The following CHST10 variants were observed in gnomAD, a reference collection of about 807,000 sequenced individuals.
CHST10 encodes HNK-1 sulfotransferase.
CHST10 carries 24 observed loss-of-function variants against 34.7 expected under a neutral mutation model. The ratio of observed to expected loss-of-function variants is 0.69; its 90% confidence interval spans 0.50 to 0.97. The LOEUF is 0.97. Ranked by LOEUF, CHST10 falls within the 50% of genes least tolerant of loss-of-function variation. CHST10 has a pLI of 0.00. For missense variants in CHST10, 402 were observed against 452.1 expected (o/e 0.89, Z 1.00); for synonymous variants, 161 against 169.3 (o/e 0.95, Z 0.38).
chr2:100,395,656 T>G lies in CHST10; in HGVS notation c.428-42A>C, dbSNP rs1381405328. 4 of 1,525,640 alleles carry G rather than the reference T, an allele frequency of 2.6e-6. No individual in the cohort carries two copies. The African/African-American group carries it at 5.5e-5, about 21-fold the overall frequency. The allele number at this position is 1,525,640 out of a possible 1,614,324, so 94.5% of individuals were successfully genotyped here. ...AAGGAAGGCAGGTTGGCTGCTCCAG[T>G]ACGCCCCTTAGAGAAGGGCATGTCC... On this transcript the variant is annotated intron_variant, in intron 5 of 6. Coordinates refer to ENST00000264249, the MANE Select transcript of CHST10 (RefSeq NM_004854.5).
chr2:100,395,417 T>G lies in CHST10; in HGVS notation c.533+92A>C. 5.4e-6 allele frequency: 6 copies of G among 1,118,964 alleles called. No individual in the cohort carries two copies. The South Asian group carries it at 6.8e-5, about 13-fold the overall frequency. 69.3% of individuals were successfully genotyped at this position (1,118,964 alleles called of 1,614,324 possible). ...GCCCTCTGTGGTCCTCCGATCAATC[T>G]GCCAAGTACAGAACTCAGCCTGGGG... On this transcript the variant is annotated intron_variant, in intron 6 of 6. Coordinates refer to ENST00000264249, the MANE Select transcript of CHST10 (RefSeq NM_004854.5).
At chr2:100,409,351 C>T (rs1276512357) in intron 2 of CHST10, among the ~76,000 whole-genome samples, 1 of 152,212 alleles carries the variant, frequency 6.6e-6, no homozygotes, top group Non-Finnish European at 1.5e-5. Flanking sequence ...CTCTTCTGTT[C>T]TCCAGGAAGC....
Position 100,393,480 on chromosome 2 carries a change from A to G in CHST10, c.836T>C (p.Val279Ala). The part of the protein sequence containing the change: ...LCAPCEIMYS[V>A]IGHHETLEDD... ...CTCCAGGGTCTCGTGGTGTCCAATC[A>G]CACTGTACATTATCTCACAGGGAGC... is the stretch of plus-strand genomic sequence containing the variant. The change falls in exon 7 of 7, where the codon GTG becomes GCG. Residue 279 changes from valine (V) to alanine (A), a missense_variant. By Grantham distance (64) the Val-to-Ala change is moderately conservative. Coordinates refer to ENST00000264249, the MANE Select transcript of CHST10 (RefSeq NM_004854.5). 1.2e-6 allele frequency: 2 copies of G among 1,614,128 alleles called. No individual in the cohort carries two copies. Among genetic ancestry groups the G allele is most frequent in the Non-Finnish European group, 1.7e-6 (2 of 1,180,026 alleles).
chr2:100,399,895 A>G (rs1041522081), intron 4 of CHST10, among the ~76,000 whole-genome samples: 1 of 152,200 alleles, frequency 6.6e-6, no homozygotes, highest in Non-Finnish European at 1.5e-5. Flanking sequence ...TCCTCCCCAC[A>G]GGGCATCAGC....
rs144285438 is a variant in CHST10, at chr2:100,409,081, G to A, written c.-32-2374C>T. 4.7e-3 allele frequency among the ~76,000 whole-genome samples: 723 copies of A among 152,282 alleles called. 2 individuals carry two copies. Among genetic ancestry groups the A allele is most frequent in the South Asian group, 9.7e-3 (47 of 4,826 alleles). On this transcript the variant is annotated intron_variant, in intron 2 of 6. Transcript: ENST00000264249. Reference sequence around the variant, plus strand: ...ACTGCCTCCCTCCTGCAGGTGACGCGCTGACTCTGCAGAGCATGTGGCGGG... The same window carrying A: ...ACTGCCTCCCTCCTGCAGGTGACGCACTGACTCTGCAGAGCATGTGGCGGG...
In CHST10 at chr2:100,395,630, A is replaced by G; in HGVS notation, c.428-16T>C. On this transcript the variant is annotated splice_polypyrimidine_tract_variant and intron_variant, in intron 5 of 6. Transcript: ENST00000264249. ...GAAAATGCTCCTGGGAAGTAAACGGAAAGGAAGGCAGGTTGGCTGCTCCAG... is the reference window on the plus strand; with the variant it reads ...GAAAATGCTCCTGGGAAGTAAACGGGAAGGAAGGCAGGTTGGCTGCTCCAG... The G allele has an allele frequency of 1.2e-6, 2 of 1,609,338 alleles. No individual in the cohort carries two copies. The highest frequency in any genetic ancestry group is 1.7e-6 in the Non-Finnish European group (2 of 1,175,880).
intron 4 of CHST10, among the ~76,000 whole-genome samples, chr2:100,401,853 A>C (rs1373765210): frequency 6.6e-6 from 1 of 152,136 alleles, no homozygotes; most frequent in East Asian, 1.9e-4. Context: ...CTACGGCTTG[A>C]TTCTGGGCTA....
chr2:100,398,476 T>C (rs577464318), intron 4 of CHST10, among the ~76,000 whole-genome samples: 3 of 152,168 alleles, frequency 2.0e-5, no homozygotes, highest in Non-Finnish European at 4.4e-5. Flanking sequence ...GAGGCCAAGG[T>C]GGGCAGATCC....
chr2:100,413,299 T>TCGGTCATGG (rs1306042989), intron 2 of CHST10, among the ~76,000 whole-genome samples: 73 of 152,286 alleles, frequency 4.8e-4, no homozygotes, highest in African/African-American at 1.7e-3. Flanking sequence ...CGCCCTCCCT[T>TCGGTCATGG]CGGTCATGGC....
At chr2:100,401,629 C>T (rs1361852150) in intron 4 of CHST10, among the ~76,000 whole-genome samples, 1 of 152,120 alleles carries the variant, frequency 6.6e-6, no homozygotes, top group Non-Finnish European at 1.5e-5. Flanking sequence ...TTTCTGTACC[C>T]CATCCAAATT....
intron 4 of CHST10, among the ~76,000 whole-genome samples, chr2:100,399,946 C>T (rs778938422): frequency 5.3e-5 from 8 of 152,186 alleles, no homozygotes; most frequent in Non-Finnish European, 1.2e-4. Flanking sequence ...AACCAGGAGC[C>T]ACGCCAGGCA....
intron 4 of CHST10, among the ~76,000 whole-genome samples, chr2:100,400,082 G>C (rs1675267665): frequency 6.6e-6 from 1 of 152,140 alleles, no homozygotes; most frequent in Admixed American, 6.5e-5. Flanking sequence ...ACCTAACCCT[G>C]ATCATGGATG....
intron 3 of CHST10, 130 bp downstream of exon 3, chr2:100,406,446 C>T: frequency 1.7e-6 from 2 of 1,168,056 alleles, no homozygotes; most frequent in East Asian, 2.5e-5. Flanking sequence ...GAGGCCATGA[C>T]CTCCAAGGTC....
In CHST10 at chr2:100,395,520, T is replaced by C; in HGVS notation, c.522A>G (p.Glu174=). The part of the protein sequence containing the change: ...LPRLSSFSDA[E]IQKRLKTYFK... Reference sequence around the variant, plus strand: ...GAAGCTGTTCTCACCGCTTCTGAATTTCTGCATCACTGAAGGAAGAGAGCC... The same window carrying C: ...GAAGCTGTTCTCACCGCTTCTGAATCTCTGCATCACTGAAGGAAGAGAGCC... Residue 174 remains glutamate, a synonymous_variant, in exon 6 of 7, where the codon GAA becomes GAG. Coordinates refer to ENST00000264249, the MANE Select transcript of CHST10 (RefSeq NM_004854.5). 1 of 1,613,586 alleles carries C rather than the reference T, an allele frequency of 6.2e-7. No individual in the cohort carries two copies. Among genetic ancestry groups the C allele is most frequent in the East Asian group, 2.2e-5 (1 of 44,844 alleles).
In CHST10 at chr2:100,393,717, T is replaced by C. The variant is rs1301867648; in HGVS notation, c.599A>G (p.Lys200Arg). 13 of 1,613,912 alleles carry C rather than the reference T, an allele frequency of 8.1e-6. No individual in the cohort carries two copies. The highest frequency in any genetic ancestry group is 1.1e-5 in the Non-Finnish European group (13 of 1,179,958). ...DPFERLISAF[K>R]DKFVHNPRFE... ...CCGGGGATTGTGAACAAATTTATCC[T>C]TAAATGCAGAAATAAGTCTTTCGAA... Residue 200 changes from lysine to arginine, a missense_variant, in exon 7 of 7, where the codon AAG becomes AGG. Physicochemically the swap from Lys to Arg is conservative, Grantham distance 26. Coordinates refer to ENST00000264249, the MANE Select transcript of CHST10 (RefSeq NM_004854.5).
At chr2:100,410,024 C>T (rs1397249833) in intron 2 of CHST10, among the ~76,000 whole-genome samples, 1 of 152,166 alleles carries the variant, frequency 6.6e-6, no homozygotes, top group East Asian at 1.9e-4. Context: ...TGCAAAGCTT[C>T]AGGGGCAAAA....
At position 100,399,100 on chromosome 2, in the gene CHST10, CT is replaced by C. The variant is rs1675212073; in HGVS notation, c.193-959del. 3.1e-5 allele frequency among the ~76,000 whole-genome samples: 4 copies of C among 129,612 alleles called. No individual in the cohort carries two copies. The South Asian group carries it at 9.5e-4, about 31-fold the overall frequency. The allele number at this position is 129,612 out of a possible 152,430, so 85.0% of individuals were successfully genotyped here. A position where few individuals can be genotyped will look rare whatever the true frequency, so the allele number is the denominator to read the frequency against. ...CTTCAGCTGCTACATCTCTCTCTCT[CT>C]CTTTTTTTTTTTTTTTTTATGAGAC... On this transcript the variant is annotated intron_variant, in intron 4 of 6. Transcript: ENST00000264249.
At chr2:100,412,597 T>A (rs750295373) in intron 2 of CHST10, among the ~76,000 whole-genome samples, 17 of 152,132 alleles carry the variant, frequency 1.1e-4, no homozygotes, top group Non-Finnish European at 1.8e-4. Flanking sequence ...GTCCAGGACC[T>A]CACCCCTTCT....
At chr2:100,405,507 C>G (rs1019556148) in intron 3 of CHST10, among the ~76,000 whole-genome samples, 4 of 152,114 alleles carry the variant, frequency 2.6e-5, no homozygotes, top group Non-Finnish European at 4.4e-5. Flanking sequence ...TGTAGGACAT[C>G]GGGCAGTCCT....
Sources: allele counts gnomAD v4.1 joint callset (sites outside exome capture counted in the v4.1 genomes callset), GRCh38; gene constraint gnomAD v4.1.1; transcripts MANE v1.5; gene names NCBI Gene and HGNC (gene_info 2026-07-23, HGNC 2026-07-21).